Variants in HOXA11 observed in about 807,000 individuals in gnomAD.
HOXA11 encodes the protein homeobox A11.
HOXA11 carries 8 observed loss-of-function variants against 22.5 expected under a neutral mutation model. The observed-to-expected ratio is 0.36, with a 90% CI of 0.21 to 0.64. The LOEUF is 0.64. Among genes scored for constraint, HOXA11 ranks in the 30% least tolerant of loss-of-function variants. The pLI is 0.67. For missense variants in HOXA11, 388 were observed against 429.0 expected (o/e 0.90, Z 0.84); for synonymous variants, 211 against 188.4 (o/e 1.12, Z -0.98).
chr7:27,185,124 A>C lies in HOXA11; in HGVS notation c.21T>G (p.Gly7=). 1 of 1,613,944 alleles carries C rather than the reference A, an allele frequency of 6.2e-7. No homozygotes were observed. The highest frequency in any genetic ancestry group is 8.5e-7 in the Non-Finnish European group (1 of 1,179,930). Residue 7 remains glycine (G), a synonymous_variant, in exon 1 of 2, where the codon GGT becomes GGG. Transcript: ENST00000006015. ...GCAAATACATGTTAGAGGAGCAGGG[A>C]CCACGCTCATCAAAATCCATTATTG... is the stretch of plus-strand genomic sequence containing the variant. The part of the protein sequence containing the change: MDFDER[G]PCSSNMYLPS...
chr7:27,182,091 C>T lies in HOXA11; in HGVS notation c.*705G>A. Reference sequence around the variant, plus strand: ...GTGTCGAGGCTTTGGGCCTGAGTGGCAGGCTGGAACCAAGACCCTCATTTG... The same window carrying T: ...GTGTCGAGGCTTTGGGCCTGAGTGGTAGGCTGGAACCAAGACCCTCATTTG... On this transcript the variant is annotated 3_prime_UTR_variant, in exon 2 of 2. Coordinates refer to ENST00000006015, the MANE Select transcript of HOXA11 (RefSeq NM_005523.6). The T allele has an allele frequency of 8.5e-6, 2 of 235,784 alleles. No homozygotes were observed. Among genetic ancestry groups the T allele is most frequent in the South Asian group, 1.7e-4 (1 of 5,726 alleles). The allele number at this position is 235,784 out of a possible 1,614,324, so 14.6% of individuals were successfully genotyped here.
At position 27,185,179 on chromosome 7, in the gene HOXA11, G is replaced by A. The variant is rs780889732; in HGVS notation, c.-35C>T. 1.5e-5 allele frequency: 25 copies of A among 1,613,028 alleles called. No homozygotes were observed. Among genetic ancestry groups the A allele is most frequent in the Non-Finnish European group, 2.1e-5 (25 of 1,179,900 alleles). ...ACCTTGGGCTCTCCGCAGTAGCCGAGCTTAACATGATTCTCCACTGCAGCT... is the reference window on the plus strand; with the variant it reads ...ACCTTGGGCTCTCCGCAGTAGCCGAACTTAACATGATTCTCCACTGCAGCT... On this transcript the variant is annotated 5_prime_UTR_variant, in exon 1 of 2. Transcript: ENST00000006015.
chr7:27,183,775 A>AAAAC (rs1460972573), intron 1 of HOXA11, among the ~76,000 whole-genome samples: 1 of 139,778 alleles, frequency 7.2e-6, no homozygotes, highest in Non-Finnish European at 1.6e-5. Flanking sequence ...AAAAAAAAAG[A>AAAAC]CCCACAAGAC....
In HOXA11 at chr7:27,182,825, G is replaced by A; in HGVS notation, c.913C>T (p.Gln305Ter). 1 of 1,612,568 alleles carries A rather than the reference G, an allele frequency of 6.2e-7. No homozygotes were observed. The highest frequency in any genetic ancestry group is 8.5e-7 in the Non-Finnish European group (1 of 1,178,622). ...AGGAGTGGATTTGCTGAGTAGTACT[G>A]TAAACGGTCTCTGTTAATTTTTTTT... The part of the protein sequence containing the change: ...KEKKINRDRL[Q>*]YYSANPLL The change falls in exon 2 of 2, where the codon CAG (glutamine) becomes TAG (stop). Residue 305 changes from glutamine (Q) to a stop codon, truncating the protein, a stop_gained. Transcript: ENST00000006015. LOFTEE classifies it high-confidence loss of function.
chr7:27,183,160 C>G, intron 1 of HOXA11, 132 bp from the exon 2 acceptor site: 1 of 654,912 alleles, frequency 1.5e-6, no homozygotes, highest in East Asian at 2.7e-5. Flanking sequence ...TCTGCCCAGG[C>G]CCCTGCCTTT....
In HOXA11 at chr7:27,181,274, C is replaced by T. The variant is rs1783760765; in HGVS notation, c.*1522G>A. The stretch of plus-strand genomic sequence containing the variant: ...GCCAACACTCCCAGTACAAATGGAG[C>T]CAACAGACATTTCTTAACACAGGGA... On this transcript the variant is annotated 3_prime_UTR_variant, in exon 2 of 2. Transcript: ENST00000006015. 6.6e-6 allele frequency among the ~76,000 whole-genome samples: 1 copy of T among 152,126 alleles called. No homozygotes were observed. Among genetic ancestry groups the T allele is most frequent in the Admixed American group, 6.5e-5 (1 of 15,286 alleles).
At position 27,184,989 on chromosome 7, in the gene HOXA11, G is replaced by C. The variant is rs765158723; in HGVS notation, c.156C>G (p.Pro52=). Residue 52 remains proline (P), a synonymous_variant, in exon 1 of 2, where the codon CCC becomes CCG. Coordinates refer to ENST00000006015, the MANE Select transcript of HOXA11 (RefSeq NM_005523.6). ...PMTYSYSSNL[P]QVQPVREVTF... Reference sequence around the variant, plus strand: ...TCACTTCGCGCACGGGTTGGACCTGGGGCAGGTTGGAGGAGTAGGAGTATG... The same window carrying C: ...TCACTTCGCGCACGGGTTGGACCTGCGGCAGGTTGGAGGAGTAGGAGTATG... 3 of 1,614,092 alleles carry C rather than the reference G, an allele frequency of 1.9e-6. No individual in the cohort carries two copies. The highest frequency in any genetic ancestry group is 2.5e-6 in the Non-Finnish European group (3 of 1,179,970).
rs1322434428 is a variant in HOXA11 at position 27,182,373 on chromosome 7, A to G, written c.*423T>C. ...CCCCTTCCTCCTGCCCCTGTCCCCAAGCTGAACTGGGCTTGGAGAGCACAC... is the reference window on the plus strand; with the variant it reads ...CCCCTTCCTCCTGCCCCTGTCCCCAGGCTGAACTGGGCTTGGAGAGCACAC... On this transcript the variant is annotated 3_prime_UTR_variant, in exon 2 of 2. Coordinates refer to ENST00000006015, the MANE Select transcript of HOXA11 (RefSeq NM_005523.6). The G allele has an allele frequency of 4.1e-5, 14 of 338,760 alleles. No individual in the cohort carries two copies. In the Admixed American group the frequency reaches 4.9e-4, roughly 12 times the overall value. The allele number at this position is 338,760 out of a possible 1,614,324, so 21.0% of individuals were successfully genotyped here.
At chr7:27,183,951 G>C (rs1424270619) in intron 1 of HOXA11, among the ~76,000 whole-genome samples, 1 of 152,134 alleles carries the variant, frequency 6.6e-6, no homozygotes, top group African/African-American at 2.4e-5. Context: ...AGAGCTAAGC[G>C]GGCTACTTTA....
chr7:27,183,747 TAAAAAAAAAAA>T (rs61633228), intron 1 of HOXA11, among the ~76,000 whole-genome samples: 3 of 53,594 alleles, frequency 5.6e-5, no homozygotes, highest in Non-Finnish European at 1.0e-4. Flanking sequence ...GCTCCCCCTT[TAAAAAAAAAAA>T]AAAAAAAAAA....
rs1480175118 is a variant in HOXA11 at position 27,182,578 on chromosome 7, A to T, written c.*218T>A. 4 of 608,568 alleles carry T rather than the reference A, an allele frequency of 6.6e-6. No individual in the cohort carries two copies. Among genetic ancestry groups the T allele is most frequent in the Non-Finnish European group, 1.2e-5 (4 of 337,462 alleles). 37.7% of individuals were successfully genotyped at this position (608,568 alleles called of 1,614,324 possible). ...GGTCCCAAACCTGTCATTCTAGCTG[A>T]TGCACAGCTCTCAGAATCCAATGAT... On this transcript the variant is annotated 3_prime_UTR_variant, in exon 2 of 2. Coordinates refer to ENST00000006015, the MANE Select transcript of HOXA11 (RefSeq NM_005523.6).
chr7:27,183,609 C>A (rs1427258407), intron 1 of HOXA11, among the ~76,000 whole-genome samples: 2 of 152,188 alleles, frequency 1.3e-5, no homozygotes, highest in Non-Finnish European at 2.9e-5. Flanking sequence ...GCGGCGGAAG[C>A]CCCCTACCCT....
Position 27,183,107 on chromosome 7 carries a change from G to A in HOXA11, c.710-79C>T, listed in dbSNP as rs1055593858. ...CCCAGAGCCCATAGCTGAGGAGAAG[G>A]GCTGCCATGGGGACTGGTGGTCCAG... is the stretch of plus-strand genomic sequence containing the variant. On this transcript the variant is annotated intron_variant, in intron 1 of 1. Coordinates refer to ENST00000006015, the MANE Select transcript of HOXA11 (RefSeq NM_005523.6). 4.3e-6 allele frequency: 4 copies of A among 939,052 alleles called. No homozygotes were observed. The African/African-American group carries it at 4.9e-5, about 12-fold the overall frequency. The allele number at this position is 939,052 out of a possible 1,614,324, so 58.2% of individuals were successfully genotyped here.
At position 27,182,551 on chromosome 7, in the gene HOXA11, G is replaced by T; in HGVS notation, c.*245C>A. The T allele has an allele frequency of 1.8e-6, 1 of 558,084 alleles. No individual in the cohort carries two copies. Among genetic ancestry groups the T allele is most frequent in the Non-Finnish European group, 3.2e-6 (1 of 309,258 alleles). The allele number at this position is 558,084 out of a possible 1,614,324, so 34.6% of individuals were successfully genotyped here. The stretch of plus-strand genomic sequence containing the variant: ...TGCAGGCTCCAAGAGTGAACCACCA[G>T]GGGTCCCAAACCTGTCATTCTAGCT... On this transcript the variant is annotated 3_prime_UTR_variant, in exon 2 of 2. Coordinates refer to ENST00000006015, the MANE Select transcript of HOXA11 (RefSeq NM_005523.6).
At position 27,184,570 on chromosome 7, in the gene HOXA11, G is replaced by A; in HGVS notation, c.575C>T (p.Ser192Leu). 6.7e-7 allele frequency: 1 copy of A among 1,489,360 alleles called. No individual in the cohort carries two copies. The highest frequency in any genetic ancestry group is 9.0e-7 in the Non-Finnish European group (1 of 1,117,186). 92.3% of individuals were successfully genotyped at this position (1,489,360 alleles called of 1,614,324 possible). Reference protein sequence around the residue: ...AATGAPATSSSDSGGGGGCRE... With the variant: ...AATGAPATSSLDSGGGGGCRE... ...GCAGCCGCCGCCGCCGCCGCTGTCC[G>A]AACTTGAAGTTGCCGGCGCGCCCGT... The change falls in exon 1 of 2, where the codon TCG (serine) becomes TTG (leucine). Residue 192 changes from serine to leucine, a missense_variant. Coordinates refer to ENST00000006015, the MANE Select transcript of HOXA11 (RefSeq NM_005523.6).
At position 27,181,994 on chromosome 7, in the gene HOXA11, C is replaced by G; in HGVS notation, c.*802G>C. The stretch of plus-strand genomic sequence containing the variant: ...CTCCACAGCCATTTCCTGCAGAGAT[C>G]TCAGGGGCCAGTGGCCTGGCTGCAG... On this transcript the variant is annotated 3_prime_UTR_variant, in exon 2 of 2. Coordinates refer to ENST00000006015, the MANE Select transcript of HOXA11 (RefSeq NM_005523.6). 4.3e-6 allele frequency: 1 copy of G among 231,224 alleles called. No homozygotes were observed. Among genetic ancestry groups the G allele is most frequent in the South Asian group, 1.8e-4 (1 of 5,520 alleles). 14.3% of individuals were successfully genotyped at this position (231,224 alleles called of 1,614,324 possible). A position where few individuals can be genotyped will look rare whatever the true frequency, so the allele number is the denominator to read the frequency against.
At chr7:27,184,283 C>T (rs535881794) in intron 1 of HOXA11, among the ~76,000 whole-genome samples, 153 bp downstream of exon 1, 3 of 152,290 alleles carry the variant, frequency 2.0e-5, no homozygotes, top group South Asian at 4.1e-4. Flanking sequence ...CACGTGATCC[C>T]GCCTTTTATA....
At position 27,181,686 on chromosome 7, in the gene HOXA11, G is replaced by A. The variant is rs77444786; in HGVS notation, c.*1110C>T. On this transcript the variant is annotated 3_prime_UTR_variant, in exon 2 of 2. Coordinates refer to ENST00000006015, the MANE Select transcript of HOXA11 (RefSeq NM_005523.6). ...CTCTACATTGCATCTTTTAAAATTC[G>A]CTTTGGTTCCTTCAGGGAAATATAT... The A allele has an allele frequency of 4.0e-5, 7 of 176,434 alleles. No individual in the cohort carries two copies. The highest frequency in any genetic ancestry group is 2.0e-4 in the East Asian group (2 of 10,226). The allele number at this position is 176,434 out of a possible 1,614,324, so 10.9% of individuals were successfully genotyped here.
At chr7:27,183,262 T>TCCCGCTGCC (rs1354946243) in intron 1 of HOXA11, among the ~76,000 whole-genome samples, 1 of 152,222 alleles carries the variant, frequency 6.6e-6, no homozygotes, top group Non-Finnish European at 1.5e-5. Context: ...GGGAAGCTGC[T>TCCCGCTGCC]CCCGCTGCCC....
Sources: gnomAD v4.1 joint callset for allele counts (sites outside exome capture counted in the v4.1 genomes callset) on GRCh38, gnomAD v4.1.1 for gene constraint, MANE v1.5 for transcripts, NCBI Gene and HGNC (gene_info 2026-07-23, HGNC 2026-07-21) for gene names.